NME7: variants seen among roughly 807,000 people sequenced by gnomAD.
NME7 encodes the protein NME/NM23 family member 7.
NME7 carries 41 observed loss-of-function variants against 49.1 expected under a neutral mutation model. The observed-to-expected ratio is 0.83, with a 90% CI of 0.65 to 1.08. The LOEUF (loss-of-function observed/expected upper bound fraction) is 1.08, where lower values mean the gene tolerates loss of function less well. Ranked by LOEUF, NME7 falls within the 50% of genes least tolerant of loss-of-function variation. The pLI, the probability that NME7 is intolerant of heterozygous loss-of-function variation, is 0.00. For missense variants in NME7, 423 were observed against 463.4 expected, an observed-to-expected ratio of 0.91 and a Z score of 0.80; for synonymous variants, 139 against 150.6, an observed-to-expected ratio of 0.92 and a Z score of 0.56.
intron 1 of NME7, among the ~76,000 whole-genome samples, chr1:169,334,706 G>A (rs1038592944): frequency 6.6e-6 from 1 of 152,090 alleles, no homozygotes; most frequent in African/African-American, 2.4e-5. Context: ...AGCAAAAATT[G>A]ACAATAGGAT....
chr1:169,310,950 T>C (rs925500463), intron 3 of NME7, among the ~76,000 whole-genome samples: 2 of 152,218 alleles, frequency 1.3e-5, no homozygotes, highest in Non-Finnish European at 2.9e-5. Flanking sequence ...ATAAAAACTA[T>C]ATTAGCTGGA....
chr1:169,132,881 G>T, intron 11 of NME7, 64 bp from the exon 12 acceptor site: 1 of 1,390,248 alleles, frequency 7.2e-7, no homozygotes, highest in Non-Finnish European at 1.0e-6. Flanking sequence ...ACTTAACAGA[G>T]TCCAAGAGGT....
intron 11 of NME7, among the ~76,000 whole-genome samples, chr1:169,156,093 C>T (rs537861460): frequency 1.9e-4 from 29 of 151,194 alleles, no homozygotes; most frequent in African/African-American, 6.1e-4. Context: ...CAAGGTGGGA[C>T]GATTGCTTGA....
chr1:169,167,420 G>A (rs1038372358), intron 11 of NME7, among the ~76,000 whole-genome samples: 1 of 151,416 alleles, frequency 6.6e-6, no homozygotes, highest in Non-Finnish European at 1.5e-5. Flanking sequence ...GTGTATTAAG[G>A]ATATCAACCA....
intron 11 of NME7, among the ~76,000 whole-genome samples, chr1:169,157,996 G>A (rs1557966217): frequency 6.6e-6 from 1 of 152,136 alleles, no homozygotes; most frequent in Non-Finnish European, 1.5e-5. Flanking sequence ...TCTCCCATTC[G>A]ATAGGTTGTC....
intron 1 of NME7, among the ~76,000 whole-genome samples, chr1:169,331,660 T>C (rs1379617366): frequency 6.6e-6 from 1 of 152,174 alleles, no homozygotes; most frequent in Non-Finnish European, 1.5e-5. Context: ...GTGGTATTTC[T>C]ATATGCCAAC....
intron 7 of NME7, among the ~76,000 whole-genome samples, chr1:169,282,829 A>C (rs1279616858): frequency 6.6e-6 from 1 of 151,800 alleles, no homozygotes; most frequent in African/African-American, 2.4e-5. Flanking sequence ...TATAATTTCC[A>C]TTCTTTTGCA....
chr1:169,169,751 A>G (rs1333073586), intron 10 of NME7, among the ~76,000 whole-genome samples, 197 bp from the exon 11 acceptor site: 1 of 152,194 alleles, frequency 6.6e-6, no homozygotes, highest in East Asian at 1.9e-4. Flanking sequence ...ATTTCTTTTT[A>G]TCAATAGATT....
intron 7 of NME7, among the ~76,000 whole-genome samples, chr1:169,261,574 T>C (rs1649163995): frequency 7.5e-6 from 1 of 133,574 alleles, no homozygotes; most frequent in Middle Eastern, 3.6e-3. Context: ...GACTCTTCCC[T>C]AACCATCTCC....
rs1557837135 is a variant in NME7 at position 169,354,996 on chromosome 1, AATTATATAT to A, written c.3+12703_3+12711del. Among the ~76,000 whole-genome samples the A allele has an allele frequency of 3.5e-3, 160 of 45,796 alleles. 19 individuals are homozygous for A. The highest frequency in any genetic ancestry group is 7.0e-3 in the African/African-American group (121 of 17,282). The allele number at this position is 45,796 out of a possible 152,430, so 30.0% of individuals were successfully genotyped here. On this transcript the variant is annotated intron_variant, in intron 1 of 11. Transcript: ENST00000367811. ...AATTATATATGTTTATATATAATAT[AATTATATAT>A]GTTTATATATAATATAATTATATAT...
chr1:169,270,633 CAGT>C (rs1460807960), intron 7 of NME7, among the ~76,000 whole-genome samples: 1 of 133,618 alleles, frequency 7.5e-6, no homozygotes, highest in Non-Finnish European at 1.8e-5. Flanking sequence ...GTGGCAGCAG[CAGT>C]AGTAGTAGTA....
intron 11 of NME7, among the ~76,000 whole-genome samples, chr1:169,157,573 C>A (rs919627968): frequency 6.6e-6 from 1 of 152,184 alleles, no homozygotes; most frequent in East Asian, 1.9e-4. Context: ...AGACTTCCCC[C>A]CAAAAAATCT....
chr1:169,172,441 G>T (rs2101735878), intron 10 of NME7, among the ~76,000 whole-genome samples: 1 of 152,008 alleles, frequency 6.6e-6, no homozygotes, highest in South Asian at 2.1e-4. Flanking sequence ...AGTATCTCCT[G>T]TAAATTCCTG....
At chr1:169,318,135 T>C (rs1359858375) in intron 3 of NME7, among the ~76,000 whole-genome samples, 7 of 152,232 alleles carry the variant, frequency 4.6e-5, no homozygotes, top group Non-Finnish European at 1.5e-5. Context: ...CCTTAGTTTG[T>C]TCTGTAGATC....
At chr1:169,349,456 T>C (rs1318750822) in intron 1 of NME7, among the ~76,000 whole-genome samples, 1 of 152,218 alleles carries the variant, frequency 6.6e-6, no homozygotes, top group Non-Finnish European at 1.5e-5. Flanking sequence ...ATGCGTGACA[T>C]TCAGTGAATT....
intron 7 of NME7, among the ~76,000 whole-genome samples, chr1:169,245,441 A>G (rs901096084): frequency 6.6e-6 from 1 of 152,208 alleles, no homozygotes; most frequent in Non-Finnish European, 1.5e-5. Context: ...GCTTTGCTTC[A>G]CAATCCATAT....
intron 3 of NME7, among the ~76,000 whole-genome samples, chr1:169,311,000 C>T (rs1651359435): frequency 6.6e-6 from 1 of 152,332 alleles, no homozygotes; most frequent in Middle Eastern, 3.4e-3. Context: ...TGCTACTTTT[C>T]CCTCTGCATT....
At chr1:169,263,343 A>T (rs987063493) in intron 7 of NME7, among the ~76,000 whole-genome samples, 1 of 134,238 alleles carries the variant, frequency 7.4e-6, no homozygotes, top group African/African-American at 2.5e-5. Flanking sequence ...ACCCAATCCA[A>T]GGAAGCTAAG....
At chr1:169,341,782 T>G (rs550313552) in intron 1 of NME7, among the ~76,000 whole-genome samples, 1 of 152,274 alleles carries the variant, frequency 6.6e-6, no homozygotes, top group Non-Finnish European at 1.5e-5. Flanking sequence ...AAAAAATTTT[T>G]TTAACAAGTA....
Sources: allele counts gnomAD v4.1 joint callset (sites outside exome capture counted in the v4.1 genomes callset), GRCh38; gene constraint gnomAD v4.1.1; transcripts MANE v1.5; gene names NCBI Gene and HGNC (gene_info 2026-07-23, HGNC 2026-07-21).